Variants in PLEKHM3 observed in about 807,000 individuals in gnomAD.
The protein encoded by PLEKHM3 is pleckstrin homology domain containing M3, also known as pleckstrin homology domain-containing family M member 3.
PLEKHM3 carries 45 observed loss-of-function variants against 81.8 expected under a neutral mutation model. The ratio of observed to expected loss-of-function variants is 0.55; its 90% CI spans 0.43 to 0.71. PLEKHM3 has a LOEUF of 0.71. Ranked by LOEUF, PLEKHM3 falls within the 30% of genes least tolerant of loss-of-function variation. The pLI is 0.00. For synonymous variants in PLEKHM3, 352 were observed against 356.4 expected (o/e 0.99, Z 0.14); for missense variants, 788 against 924.3 (o/e 0.85, Z 1.91).
chr2:208,016,861 C>T (rs1329665994), intron 1 of PLEKHM3, among the ~76,000 whole-genome samples: 1 of 152,096 alleles, frequency 6.6e-6, no homozygotes, highest in African/African-American at 2.4e-5. Context: ...CAACTTGAAT[C>T]TGAATTTCAG....
At chr2:207,851,838 G>C (rs1316494161) in intron 7 of PLEKHM3, 1 of 151,736 alleles carries the variant, frequency 6.6e-6, no homozygotes, top group Non-Finnish European at 1.5e-5. Context: ...AGGTTGCTTT[G>C]GTGCAACAAA....
At chr2:207,930,209 A>G (rs1689542633) in intron 5 of PLEKHM3, among the ~76,000 whole-genome samples, 1 of 152,204 alleles carries the variant, frequency 6.6e-6, no homozygotes, top group Non-Finnish European at 1.5e-5. Context: ...GAAAAGGCAG[A>G]ATCCTGGGCC....
chr2:207,977,145 G>C lies in PLEKHM3; in HGVS notation c.1052C>G (p.Pro351Arg). ...GTACTGTTTGGAGCTGTCCAGGACA[G>C]GGGACGGTGGCAGCAGCCCACTGGT... ...KKTSGLLPPS[P>R]VLDSSKQYQN... is the part of the protein sequence containing the mutation. The change falls in exon 3 of 8, where the codon CCT (proline) becomes CGT (arginine). Residue 351 changes from proline (P) to arginine (R), a missense_variant. By Grantham distance (103) the Pro-to-Arg change is moderately radical. Transcript: ENST00000427836. The C allele has an allele frequency of 6.2e-7, 1 of 1,614,232 alleles. No homozygotes were observed. The highest frequency in any genetic ancestry group is 8.5e-7 in the Non-Finnish European group (1 of 1,180,048).
At chr2:207,868,859 C>T (rs971967661) in intron 6 of PLEKHM3, 1 of 151,992 alleles carries the variant, frequency 6.6e-6, no homozygotes, top group African/African-American at 2.4e-5. Context: ...AAAGCAGTCA[C>T]ATCCATTTCT....
At chr2:207,884,560 C>T (rs1463257754) in intron 6 of PLEKHM3, among the ~76,000 whole-genome samples, 2 of 152,136 alleles carry the variant, frequency 1.3e-5, no homozygotes, top group African/African-American at 4.8e-5. Context: ...AAATGGCTAA[C>T]CCTGTCCAGC....
chr2:207,885,005 C>T (rs1475362245), intron 6 of PLEKHM3, among the ~76,000 whole-genome samples: 1 of 152,196 alleles, frequency 6.6e-6, no homozygotes, highest in Non-Finnish European at 1.5e-5. Flanking sequence ...AAGCTGAGAA[C>T]CTGCATGTCT....
intron 6 of PLEKHM3, among the ~76,000 whole-genome samples, chr2:207,904,005 A>G (rs1688524541): frequency 6.6e-6 from 1 of 152,196 alleles, no homozygotes; most frequent in Non-Finnish European, 1.5e-5. Flanking sequence ...AAAGTAGCTA[A>G]CCAAGGAAAA....
chr2:207,853,217 A>T (rs1421473996), intron 7 of PLEKHM3, among the ~76,000 whole-genome samples: 2 of 152,104 alleles, frequency 1.3e-5, no homozygotes, highest in Admixed American at 1.3e-4. Context: ...CAGGAGTTCA[A>T]GACCAGCCTG....
chr2:207,862,869 T>G (rs959456576), intron 6 of PLEKHM3, among the ~76,000 whole-genome samples: 2 of 152,126 alleles, frequency 1.3e-5, no homozygotes, highest in Admixed American at 6.5e-5. Flanking sequence ...GTTTTAGAAA[T>G]AAATATAATG....
chr2:207,996,550 C>T (rs1692127066), intron 2 of PLEKHM3, among the ~76,000 whole-genome samples: 1 of 152,126 alleles, frequency 6.6e-6, no homozygotes, highest in South Asian at 2.1e-4. Context: ...GTAAAATTCT[C>T]AGGTGAAAAG....
intron 5 of PLEKHM3, chr2:207,929,870 C>G (rs1332958691): frequency 1.4e-6 from 1 of 694,264 alleles, no homozygotes; most frequent in South Asian, 1.5e-5. Context: ...CAATACTTTC[C>G]AAAAGTTCTT....
chr2:207,936,282 T>C (rs1273757802), intron 4 of PLEKHM3, among the ~76,000 whole-genome samples: 1 of 152,018 alleles, frequency 6.6e-6, no homozygotes, highest in Admixed American at 6.6e-5. Context: ...TATTTGTGTA[T>C]TTTTTTTACT....
At chr2:207,910,434 A>T (rs939127617) in intron 5 of PLEKHM3, among the ~76,000 whole-genome samples, 1 of 152,212 alleles carries the variant, frequency 6.6e-6, no homozygotes, top group African/African-American at 2.4e-5. Flanking sequence ...CTGGAGATAC[A>T]TCATTTTATC....
At chr2:207,828,616 A>G (rs1213641142) in intron 7 of PLEKHM3, 120 bp from the exon 8 acceptor site, 7 of 894,580 alleles carry the variant, frequency 7.8e-6, no homozygotes, top group South Asian at 5.3e-5. Context: ...AACCCTGCCA[A>G]TGGGAAGGGA....
At chr2:207,920,306 T>C (rs1689137161) in intron 5 of PLEKHM3, among the ~76,000 whole-genome samples, 1 of 152,130 alleles carries the variant, frequency 6.6e-6, no homozygotes, top group African/African-American at 2.4e-5. Flanking sequence ...AGGCCTAATA[T>C]TGCCTACTGC....
chr2:207,830,135 C>T (rs2092277084), intron 7 of PLEKHM3, among the ~76,000 whole-genome samples: 1 of 152,092 alleles, frequency 6.6e-6, no homozygotes, highest in Admixed American at 6.5e-5. Context: ...CAGCTCTACC[C>T]CCAGCTTGGC....
At chr2:207,974,809 T>C (rs1353647372) in intron 3 of PLEKHM3, among the ~76,000 whole-genome samples, 1 of 151,962 alleles carries the variant, frequency 6.6e-6, no homozygotes, top group African/African-American at 2.4e-5. Flanking sequence ...TACCTACAGA[T>C]ACATATATAT....
At chr2:208,024,127 A>T (rs1001636841) in intron 1 of PLEKHM3, among the ~76,000 whole-genome samples, 2 of 133,170 alleles carry the variant, frequency 1.5e-5, no homozygotes, top group African/African-American at 3.3e-5. Flanking sequence ...CGAATGACAG[A>T]GTAAGACCCT....
chr2:207,833,252 A>T (rs1322819736), intron 7 of PLEKHM3, among the ~76,000 whole-genome samples: 1 of 152,320 alleles, frequency 6.6e-6, no homozygotes, highest in East Asian at 1.9e-4. Flanking sequence ...CAATGTAATC[A>T]TCTCTGCTGA....
Sources: allele counts gnomAD v4.1 joint callset (sites outside exome capture counted in the v4.1 genomes callset), GRCh38; gene constraint gnomAD v4.1.1; transcripts MANE v1.5; gene names NCBI Gene and HGNC (gene_info 2026-07-23, HGNC 2026-07-21).